Variants in LIN52 observed in about 807,000 individuals in gnomAD.
LIN52 encodes protein lin-52 homolog.
Under a neutral mutation model 18.5 loss-of-function variants are expected in LIN52, and 4 were observed. The ratio of observed to expected loss-of-function variants is 0.22; its 90% CI spans 0.11 to 0.49. The LOEUF (loss-of-function observed/expected upper bound fraction) is 0.49. LIN52 is among the 20% of genes least tolerant of loss of function. The pLI, the probability that LIN52 is intolerant of heterozygous loss-of-function variation, is 0.97. For synonymous variants in LIN52, 34 were observed against 45.5 expected, an observed-to-expected ratio of 0.75 and a Z score of 1.02; for missense variants, 102 against 139.5, an observed-to-expected ratio of 0.73 and a Z score of 1.35.
intron 5 of LIN52, among the ~76,000 whole-genome samples, chr14:74,195,069 C>T (rs1037567896): frequency 1.3e-5 from 2 of 152,048 alleles, no homozygotes; most frequent in Non-Finnish European, 1.5e-5. Context: ...TCACTTGAAC[C>T]GGGGAGGCAG....
intron 5 of LIN52, among the ~76,000 whole-genome samples, chr14:74,126,265 A>G (rs1167020710): frequency 1.3e-5 from 2 of 152,212 alleles, no homozygotes; most frequent in African/African-American, 4.8e-5. Context: ...TGGTGAAATT[A>G]GAACCTTCAT....
intron 5 of LIN52, among the ~76,000 whole-genome samples, chr14:74,140,592 T>C (rs1280483898): frequency 6.6e-6 from 1 of 152,208 alleles, no homozygotes; most frequent in African/African-American, 2.4e-5. Flanking sequence ...CGGAGGACTC[T>C]ACAGCTGTCA....
chr14:74,092,457 G>A (rs1268557826), intron 2 of LIN52, among the ~76,000 whole-genome samples: 7 of 143,348 alleles, frequency 4.9e-5, no homozygotes, highest in Admixed American at 3.5e-4. Context: ...GGCACATGCC[G>A]CAATGCCCGG....
chr14:74,162,435 C>A (rs1474771252), intron 5 of LIN52, among the ~76,000 whole-genome samples: 1 of 131,984 alleles, frequency 7.6e-6, no homozygotes, highest in Non-Finnish European at 1.5e-5. Context: ...GAAATCGCCA[C>A]TGTACTCCAG....
intron 1 of LIN52, among the ~76,000 whole-genome samples, chr14:74,086,005 A>G (rs2060727535): frequency 6.6e-6 from 1 of 151,684 alleles, no homozygotes; most frequent in African/African-American, 2.4e-5. Flanking sequence ...ACTCAAACAT[A>G]TAAACATTTT....
intron 1 of LIN52, among the ~76,000 whole-genome samples, chr14:74,089,844 C>G (rs1349287710): frequency 6.6e-6 from 1 of 151,974 alleles, no homozygotes; most frequent in Non-Finnish European, 1.5e-5. Flanking sequence ...GCAGGACATA[C>G]GACAGGGGTG....
At chr14:74,120,492 C>T (rs1441613659) in intron 5 of LIN52, among the ~76,000 whole-genome samples, 1 of 151,678 alleles carries the variant, frequency 6.6e-6, no homozygotes, top group Non-Finnish European at 1.5e-5. Context: ...TGGTAGCTCA[C>T]ACCTGTAATC....
rs141926510 is a variant in LIN52 at position 74,144,912 on chromosome 14, G to A, written c.283+43674G>A. Among the ~76,000 whole-genome samples, 350 of 152,278 alleles carry A rather than the reference G, an allele frequency of 2.3e-3. 1 individual carries two copies. The highest frequency in any genetic ancestry group is 4.1e-3 in the Non-Finnish European group (280 of 68,020). ...CATGTCAGATGATCACGGGTTGTGT[G>A]GTTGAGATCATGAAGTGTGTACTAA... On this transcript the variant is annotated intron_variant, in intron 5 of 5. Coordinates refer to ENST00000555028, the MANE Select transcript of LIN52 (RefSeq NM_001024674.3).
At chr14:74,178,399 C>A (rs1218459350) in intron 5 of LIN52, among the ~76,000 whole-genome samples, 2 of 151,720 alleles carry the variant, frequency 1.3e-5, no homozygotes, top group Non-Finnish European at 2.9e-5. Flanking sequence ...AATAGGATCC[C>A]TTAATCAAAT....
rs527841013 is a variant in LIN52 at position 74,136,564 on chromosome 14, T to C, written c.283+35326T>C. On this transcript the variant is annotated intron_variant, in intron 5 of 5. Coordinates refer to ENST00000555028, the MANE Select transcript of LIN52 (RefSeq NM_001024674.3). ...ATCCATTTCTGCTGCTGTCAGCTGT[T>C]AAGTTCAGTAAAAACAAGGGTTTAA... is the stretch of plus-strand genomic sequence containing the variant. Among the ~76,000 whole-genome samples, 76 of 152,306 alleles carry C rather than the reference T, an allele frequency of 5.0e-4. 1 individual carries two copies. In the South Asian group the frequency reaches 0.015, roughly 31 times the overall value.
intron 5 of LIN52, among the ~76,000 whole-genome samples, chr14:74,151,664 A>G (rs1413328336): frequency 6.6e-6 from 1 of 152,214 alleles, no homozygotes; most frequent in Non-Finnish European, 1.5e-5. Flanking sequence ...TTTAATTTTA[A>G]GGAATTTGAC....
At chr14:74,168,580 A>G (rs972542393) in intron 5 of LIN52, among the ~76,000 whole-genome samples, 1 of 152,092 alleles carries the variant, frequency 6.6e-6, no homozygotes, top group Non-Finnish European at 1.5e-5. Flanking sequence ...AGGCAGGAGA[A>G]TGGTGTGAAC....
At chr14:74,162,475 C>CAAAAAA (rs35116380) in intron 5 of LIN52, among the ~76,000 whole-genome samples, 4 of 95,286 alleles carry the variant, frequency 4.2e-5, no homozygotes, top group Non-Finnish European at 5.8e-5. Context: ...CTCCATCTCA[C>CAAAAAA]AAAAAAAAAA....
chr14:74,150,795 G>T (rs2061173624), intron 5 of LIN52, among the ~76,000 whole-genome samples: 1 of 152,106 alleles, frequency 6.6e-6, no homozygotes, highest in Non-Finnish European at 1.5e-5. Context: ...TTTGATATGG[G>T]AAGCTCATGA....
intron 5 of LIN52, among the ~76,000 whole-genome samples, chr14:74,150,719 T>A (rs779414882): frequency 8.5e-5 from 13 of 152,206 alleles, no homozygotes; most frequent in Non-Finnish European, 1.8e-4. Context: ...TGAAAATGAA[T>A]ACACTCTAAG....
rs781571618 is a variant in LIN52 at position 74,095,988 on chromosome 14, A to G, written c.132+3A>G. On this transcript the variant is annotated splice_donor_region_variant and intron_variant, in intron 3 of 5. Transcript: ENST00000555028. ...AATTTGCAGCTTCCTTCAAAAGTGT[A>G]AGTAATATCCCTTACCTACTGAGGT... The G allele has an allele frequency of 1.2e-6, 2 of 1,606,068 alleles. No individual in the cohort carries two copies. Among genetic ancestry groups the G allele is most frequent in the Non-Finnish European group, 1.7e-6 (2 of 1,174,684 alleles).
chr14:74,110,673 A>T (rs2060920770), intron 5 of LIN52, among the ~76,000 whole-genome samples: 2 of 150,078 alleles, frequency 1.3e-5, no homozygotes, highest in African/African-American at 2.5e-5. Flanking sequence ...CCATCTCAAA[A>T]AAAAAAGGAG....
intron 5 of LIN52, among the ~76,000 whole-genome samples, chr14:74,157,961 T>C (rs1466448731): frequency 6.6e-6 from 1 of 152,148 alleles, no homozygotes; most frequent in African/African-American, 2.4e-5. Context: ...AATTCTTTCT[T>C]TCAACTTCAG....
At chr14:74,159,368 T>C (rs1479365991) in intron 5 of LIN52, among the ~76,000 whole-genome samples, 1 of 152,190 alleles carries the variant, frequency 6.6e-6, no homozygotes, top group Non-Finnish European at 1.5e-5. Context: ...ATAACCTTCA[T>C]TCAGCAAAAT....
Sources: allele counts gnomAD v4.1 joint callset (sites outside exome capture counted in the v4.1 genomes callset), GRCh38; gene constraint gnomAD v4.1.1; transcripts MANE v1.5; gene names NCBI Gene and HGNC (gene_info 2026-07-23, HGNC 2026-07-21).